Variants in CNNM1 observed in about 807,000 individuals in gnomAD.
CNNM1 encodes the protein cyclin and CBS domain divalent metal cation transport mediator 1, also known as metal transporter CNNM1.
A neutral mutation model predicts 78.8 loss-of-function variants in CNNM1; 44 were observed. The observed-to-expected ratio is 0.56, with a 90% CI of 0.44 to 0.72. The LOEUF (loss-of-function observed/expected upper bound fraction) is 0.72, where lower values mean the gene tolerates loss of function less well. Among genes scored for constraint, CNNM1 ranks in the 30% least tolerant of loss-of-function variants. The probability of loss-of-function intolerance (pLI) is 0.00; values close to 1 mark genes in which losing one functional copy is unlikely to be tolerated. For synonymous variants in CNNM1, 584 were observed against 581.5 expected, an observed-to-expected ratio of 1.00 and a Z score of -0.06; for missense variants, 1,101 against 1,292.2, an observed-to-expected ratio of 0.85 and a Z score of 2.27.
chr10:99,330,377 G>T lies in CNNM1; in HGVS notation c.990G>T (p.Val330=). 1 of 1,596,644 alleles carries T rather than the reference G, an allele frequency of 6.3e-7. No homozygotes were observed. Among genetic ancestry groups the T allele is most frequent in the Non-Finnish European group, 8.5e-7 (1 of 1,172,848 alleles). The change falls in exon 1 of 11, where the codon GTG becomes GTT. Residue 330 remains valine, a synonymous_variant. Transcript: ENST00000356713. ...ACTTCCCGTGGCTGCCGGCGCTCGT[G>T]TGCACCGGCGCGGTATTCCTGGGCG... ...GIHFPWLPAL[V]CTGAVFLGAE...
At chr10:99,360,710 T>C (rs1564949637) in intron 2 of CNNM1, 125 bp from the exon 3 acceptor site, 4 of 1,189,670 alleles carry the variant, frequency 3.4e-6, no homozygotes, top group Non-Finnish European at 4.7e-6. Context: ...TCCTGGGTGA[T>C]ATTGTGATGT....
intron 1 of CNNM1, among the ~76,000 whole-genome samples, chr10:99,331,560 A>C (rs1255626908): frequency 1.3e-5 from 2 of 152,174 alleles, no homozygotes; most frequent in Admixed American, 1.3e-4. Context: ...TATTGATTGC[A>C]CACATATCAA....
rs1036488111 is a variant in CNNM1 at position 99,391,945 on chromosome 10, A to G, written c.*429A>G. On this transcript the variant is annotated 3_prime_UTR_variant, in exon 11 of 11. Transcript: ENST00000356713. ...GTTAACTTTCTAACACATTTCATGC[A>G]TAGCTTGGCTCAGAAGGTGCCATTG... is the stretch of plus-strand genomic sequence containing the variant. The G allele has an allele frequency of 4.9e-5, 8 of 162,622 alleles. No homozygotes were observed. Among genetic ancestry groups the G allele is most frequent in the Admixed American group, 4.6e-4 (8 of 17,230 alleles). The allele number at this position is 162,622 out of a possible 1,614,324, so 10.1% of individuals were successfully genotyped here.
At position 99,356,541 on chromosome 10, in the gene CNNM1, AC is replaced by A. The variant is rs1233412591; in HGVS notation, c.1574-970del. Among the ~76,000 whole-genome samples the A allele has an allele frequency of 5.8e-3, 623 of 106,732 alleles. 5 individuals carry two copies. The highest frequency in any genetic ancestry group is 0.018 in the African/African-American group (501 of 28,208). 70.0% of individuals were successfully genotyped at this position (106,732 alleles called of 152,430 possible). A position where few individuals can be genotyped will look rare whatever the true frequency, so the allele number is the denominator to read the frequency against. On this transcript the variant is annotated intron_variant, in intron 1 of 10. Coordinates refer to ENST00000356713, the MANE Select transcript of CNNM1 (RefSeq NM_020348.3). Reference sequence around the variant, plus strand: ...GAAAGAGAGAAAGAAAGAAAGAAAGACAGACAGACAGACAGACAGACAGAAA... The same window carrying A: ...GAAAGAGAGAAAGAAAGAAAGAAAGAAGACAGACAGACAGACAGACAGAAA...
chr10:99,356,614 AAAG>A (rs1337224378), intron 1 of CNNM1, among the ~76,000 whole-genome samples: 1 of 141,590 alleles, frequency 7.1e-6, no homozygotes, highest in African/African-American at 2.6e-5. Flanking sequence ...GAAAAGAAAG[AAAG>A]AAAGAAAAGA....
chr10:99,383,408 G>A (rs1293921130), intron 7 of CNNM1, among the ~76,000 whole-genome samples: 1 of 152,130 alleles, frequency 6.6e-6, no homozygotes, highest in East Asian at 1.9e-4. Context: ...TGAGTAGTCA[G>A]GATTACAGGC....
In CNNM1 at chr10:99,387,878, A is replaced by T; in HGVS notation, c.2399A>T (p.Gln800Leu). 1 of 1,613,628 alleles carries T rather than the reference A, an allele frequency of 6.2e-7. No homozygotes were observed. Among genetic ancestry groups the T allele is most frequent in the South Asian group, 1.1e-5 (1 of 90,984 alleles). Residue 800 changes from glutamine to leucine, a missense_variant, in exon 8 of 11, where the codon CAG becomes CTG. By Grantham distance (113) the Gln-to-Leu change is moderately radical. Around this residue, in one of 3 missense-constraint regions of CNNM1, gnomAD observed 348 missense variants for 384.5 expected, o/e 0.90. Coordinates refer to ENST00000356713, the MANE Select transcript of CNNM1 (RefSeq NM_020348.3). ...LTACHMDSSP[Q>L]SPDMEAFTDG... ...GCCTGCCACATGGACAGCTCACCTC[A>T]GTCCCCTGACATGGAGGCCTTCACA... is the stretch of plus-strand genomic sequence containing the variant.
chr10:99,377,594 T>C (rs1199262168), intron 7 of CNNM1, among the ~76,000 whole-genome samples: 1 of 152,228 alleles, frequency 6.6e-6, no homozygotes, highest in African/African-American at 2.4e-5. Flanking sequence ...AAGATAAGTT[T>C]GCAGGTGATT....
chr10:99,336,220 C>CCT (rs1452262213), intron 1 of CNNM1, among the ~76,000 whole-genome samples: 1 of 152,202 alleles, frequency 6.6e-6, no homozygotes, highest in Non-Finnish European at 1.5e-5. Context: ...AGTCATAACA[C>CCT]CTAACATCGT....
chr10:99,369,559 C>T (rs2031734950), intron 6 of CNNM1, among the ~76,000 whole-genome samples: 1 of 152,114 alleles, frequency 6.6e-6, no homozygotes, highest in Non-Finnish European at 1.5e-5. Flanking sequence ...AGACTTCAAA[C>T]CCTCCAATTT....
rs140364515 is a variant in CNNM1 at position 99,377,114 on chromosome 10, C to T, written c.2236C>T (p.Arg746Cys). ...TCGCTCTGAGTCTCCAAACCGAGAG[C>T]GCAGTGACTTTGGGGGCAGCAACAC... Reference protein sequence around the residue: ...LNRSESPNRERSDFGGSNTQL... With the variant: ...LNRSESPNRECSDFGGSNTQL... Residue 746 changes from arginine to cysteine, a missense_variant, in exon 7 of 11, where the codon CGC (arginine) becomes TGC (cysteine). By Grantham distance (180) the Arg-to-Cys change is radical. This residue lies in a region of CNNM1 where 348 missense variants were observed against 384.5 expected (regional missense o/e 0.90). Transcript: ENST00000356713. 29 of 1,606,732 alleles carry T rather than the reference C, an allele frequency of 1.8e-5. No homozygotes were observed. The highest frequency in any genetic ancestry group is 1.6e-4 in the African/African-American group (12 of 74,764).
At position 99,379,753 on chromosome 10, in the gene CNNM1, A is replaced by T. The variant is rs552257544; in HGVS notation, c.2340+2535A>T. Among the ~76,000 whole-genome samples, 196 of 150,878 alleles carry T rather than the reference A, an allele frequency of 1.3e-3. 2 individuals are homozygous for T. Among genetic ancestry groups the T allele is most frequent in the Non-Finnish European group, 2.4e-3 (164 of 67,866 alleles). Reference sequence around the variant, plus strand: ...CTCAGCCTCCCAAAGTGATGTGATTACAGGCATGAGCCACGGCACTCAGCC... The same window carrying T: ...CTCAGCCTCCCAAAGTGATGTGATTTCAGGCATGAGCCACGGCACTCAGCC... On this transcript the variant is annotated intron_variant, in intron 7 of 10. Coordinates refer to ENST00000356713, the MANE Select transcript of CNNM1 (RefSeq NM_020348.3).
intron 1 of CNNM1, among the ~76,000 whole-genome samples, chr10:99,347,033 A>T (rs1409095262): frequency 6.6e-6 from 1 of 152,216 alleles, no homozygotes; most frequent in East Asian, 1.9e-4. Context: ...AGAGGGCAAC[A>T]GCAGGCACTG....
chr10:99,343,607 A>G (rs1220627118), intron 1 of CNNM1, among the ~76,000 whole-genome samples: 1 of 152,210 alleles, frequency 6.6e-6, no homozygotes, highest in African/African-American at 2.4e-5. Context: ...GGACACAGAC[A>G]GAGGGTCCCA....
intron 1 of CNNM1, among the ~76,000 whole-genome samples, chr10:99,346,553 A>G (rs890720954): frequency 1.3e-5 from 2 of 152,176 alleles, no homozygotes; most frequent in African/African-American, 4.8e-5. Flanking sequence ...CATTCCCTCG[A>G]TTATTTCATT....
rs570138076 is a variant in CNNM1 at position 99,390,498 on chromosome 10, C to T, written c.2776+91C>T. 647 of 963,388 alleles carry T rather than the reference C, an allele frequency of 6.7e-4. 1 individual carries two copies. The highest frequency in any genetic ancestry group is 9.1e-4 in the Non-Finnish European group (562 of 616,852). The allele number at this position is 963,388 out of a possible 1,614,324, so 59.7% of individuals were successfully genotyped here. The stretch of plus-strand genomic sequence containing the variant: ...AGCATCTTCCTCTTGGGGGAGGAGC[C>T]ATGGACTCCTCTTAGAAACCCTAAT... On this transcript the variant is annotated intron_variant, in intron 10 of 10. Coordinates refer to ENST00000356713, the MANE Select transcript of CNNM1 (RefSeq NM_020348.3).
At chr10:99,366,508 G>A (rs1589908924) in intron 6 of CNNM1, among the ~76,000 whole-genome samples, 1 of 152,182 alleles carries the variant, frequency 6.6e-6, no homozygotes, top group Non-Finnish European at 1.5e-5. Flanking sequence ...CTGTGGCCGG[G>A]CATGGTGGCT....
Position 99,357,628 on chromosome 10 carries a change from G to A in CNNM1, c.1690G>A (p.Glu564Lys). The change falls in exon 2 of 11, where the codon GAG (glutamate) becomes AAG (lysine). Residue 564 changes from glutamate (E) to lysine (K), a missense_variant. This residue lies in a region of CNNM1 where 277 missense variants were observed against 423.2 expected (regional missense o/e 0.65). Coordinates refer to ENST00000356713, the MANE Select transcript of CNNM1 (RefSeq NM_020348.3). ...EDIIEEIIKS[E>K]ILDETDLYTD... Reference sequence around the variant, plus strand: ...TATCATAGAGGAGATTATCAAGTCGGAGATCCTGGATGAAACTGATCTCTA... The same window carrying A: ...TATCATAGAGGAGATTATCAAGTCGAAGATCCTGGATGAAACTGATCTCTA... The A allele has an allele frequency of 6.2e-7, 1 of 1,612,678 alleles. No homozygotes were observed. Among genetic ancestry groups the A allele is most frequent in the Non-Finnish European group, 8.5e-7 (1 of 1,179,336 alleles).
At chr10:99,361,010 A>G in intron 3 of CNNM1, 35 bp downstream of exon 3, 1 of 1,567,656 alleles carries the variant, frequency 6.4e-7, no homozygotes, top group Non-Finnish European at 8.7e-7. Flanking sequence ...AAGCTAAAAC[A>G]GAATCTCTAG....
Sources: gnomAD v4.1 joint callset for allele counts (sites outside exome capture counted in the v4.1 genomes callset) on GRCh38, gnomAD v4.1.1 for gene constraint, gnomAD v4.1.1 regional missense constraint, MANE v1.5 for transcripts, NCBI Gene and HGNC (gene_info 2026-07-23, HGNC 2026-07-21) for gene names.